The following AQR variants were observed in gnomAD, a reference collection of about 807,000 sequenced individuals.
AQR encodes RNA helicase aquarius.
Under a neutral mutation model 180.5 loss-of-function variants are expected in AQR, and 61 were observed. The observed-to-expected ratio is 0.34, with a 90% CI of 0.28 to 0.42. AQR has a LOEUF of 0.42. AQR is among the 10% of genes least tolerant of loss of function. AQR has a pLI of 1.00. For missense variants in AQR, 1,281 were observed against 1,798.3 expected (o/e 0.71, Z 5.20); for synonymous variants, 551 against 588.8 (o/e 0.94, Z 0.93).
chr15:34,896,030 T>C (rs951855565), intron 22 of AQR, among the ~76,000 whole-genome samples: 2 of 152,246 alleles, frequency 1.3e-5, no homozygotes, highest in African/African-American at 2.4e-5. Flanking sequence ...CTGACCAAAA[T>C]AGACTTTGAC....
chr15:34,919,626 G>A (rs891764510), intron 14 of AQR, among the ~76,000 whole-genome samples: 6 of 152,054 alleles, frequency 3.9e-5, no homozygotes, highest in African/African-American at 9.7e-5. Flanking sequence ...GGTTGGGCAC[G>A]GTGATTCATG....
At chr15:34,946,145 C>G (rs975961484) in intron 5 of AQR, among the ~76,000 whole-genome samples, 2 of 152,106 alleles carry the variant, frequency 1.3e-5, no homozygotes, top group South Asian at 4.2e-4. Context: ...GTGGCGGGCA[C>G]CTGTAATCCC....
chr15:34,951,298 G>T (rs1317814897), intron 4 of AQR, among the ~76,000 whole-genome samples: 1 of 152,130 alleles, frequency 6.6e-6, no homozygotes, highest in Non-Finnish European at 1.5e-5. Flanking sequence ...TTTGGAAGTT[G>T]GCCCAGGGAA....
In AQR at chr15:34,940,974, T is replaced by C. The variant is rs372425215; in HGVS notation, c.566A>G (p.Lys189Arg). Residue 189 changes from lysine (K) to arginine (R), a missense_variant, in exon 8 of 35, where the codon AAG becomes AGG. By Grantham distance (26) the Lys-to-Arg change is conservative. Coordinates refer to ENST00000156471, the MANE Select transcript of AQR (RefSeq NM_014691.3). ...CCAGAATTTTCTTAGCTTAGGTGTC[T>C]TTTTTAATTCTAATTCCAATCGTGC... ...QLARLELELK[K>R]TPKLRKFWNL... The C allele has an allele frequency of 2.5e-6, 4 of 1,607,630 alleles. No individual in the cohort carries two copies. The African/African-American group carries it at 4.0e-5, about 16-fold the overall frequency.
chr15:34,860,027 T>C lies in AQR; in HGVS notation c.4143+15A>G. ...CTACAGCAAGAAAAATAAAAGTCGA[T>C]TTTGAGAAACTCACCTGATGATAAT... On this transcript the variant is annotated intron_variant, in intron 34 of 34. Transcript: ENST00000156471. 1 of 1,289,576 alleles carries C rather than the reference T, an allele frequency of 7.8e-7. No individual in the cohort carries two copies. Among genetic ancestry groups the C allele is most frequent in the South Asian group, 2.2e-5 (1 of 46,260 alleles). 79.9% of individuals were successfully genotyped at this position (1,289,576 alleles called of 1,614,324 possible). A position where few individuals can be genotyped will look rare whatever the true frequency, so the allele number is the denominator to read the frequency against.
Position 34,893,607 on chromosome 15 carries a change from GCACACACACACACACA to G in AQR, c.2571+40_2571+55del, listed in dbSNP as rs386382691. On this transcript the variant is annotated intron_variant, in intron 23 of 34. Coordinates refer to ENST00000156471, the MANE Select transcript of AQR (RefSeq NM_014691.3). ...CATACCCATGTGCATGCGCATGCGT[GCACACACACACACACA>G]CACACACACACACACACACACACAC... The G allele has an allele frequency of 7.4e-4, 739 of 999,656 alleles. 2 individuals are homozygous for G. Among genetic ancestry groups the G allele is most frequent in the South Asian group, 7.4e-3 (479 of 65,072 alleles). 61.9% of individuals were successfully genotyped at this position (999,656 alleles called of 1,614,324 possible).
intron 16 of AQR, among the ~76,000 whole-genome samples, chr15:34,910,859 T>A (rs540043745): frequency 6.6e-6 from 1 of 152,316 alleles, no homozygotes; most frequent in East Asian, 1.9e-4. Context: ...ACATTAATTA[T>A]AGTCACTATA....
At chr15:34,943,471 A>G in intron 6 of AQR, 1 of 506,820 alleles carries the variant, frequency 2.0e-6, no homozygotes, top group Non-Finnish European at 3.1e-6. Context: ...AAATAAATAA[A>G]TAAATAAATA....
intron 30 of AQR, among the ~76,000 whole-genome samples, chr15:34,873,457 G>T (rs1832694797): frequency 6.6e-6 from 1 of 151,824 alleles, no homozygotes; most frequent in Non-Finnish European, 1.5e-5. Flanking sequence ...AACAATTTAT[G>T]AGTTCTATAA....
intron 19 of AQR, among the ~76,000 whole-genome samples, chr15:34,904,012 T>C (rs1191040367): frequency 6.6e-6 from 1 of 152,058 alleles, no homozygotes; most frequent in Non-Finnish European, 1.5e-5. Flanking sequence ...CAAGTTTTCT[T>C]CACTTCATAA....
At chr15:34,899,215 C>A (rs1012431246) in intron 20 of AQR, among the ~76,000 whole-genome samples, 1 of 151,874 alleles carries the variant, frequency 6.6e-6, no homozygotes, top group African/African-American at 2.4e-5. Flanking sequence ...AAGGCAGAAT[C>A]TCTGAGATAT....
chr15:34,953,984 G>T (rs184292024), intron 3 of AQR, among the ~76,000 whole-genome samples: 1 of 152,152 alleles, frequency 6.6e-6, no homozygotes, highest in South Asian at 2.1e-4. Flanking sequence ...GCACGATCTC[G>T]GTACACTGCA....
In AQR at chr15:34,906,668, T is replaced by G; in HGVS notation, c.1708A>C (p.Thr570Pro). 6.2e-7 allele frequency: 1 copy of G among 1,614,078 alleles called. No individual in the cohort carries two copies. Among genetic ancestry groups the G allele is most frequent in the Non-Finnish European group, 8.5e-7 (1 of 1,179,990 alleles). The change falls in exon 18 of 35, where the codon ACA (threonine) becomes CCA (proline). Residue 570 changes from threonine (T) to proline (P), a missense_variant. This residue lies in a region of AQR where 200 missense variants were observed against 293.4 expected (regional missense o/e 0.68). Transcript: ENST00000156471. ...TCAAACTTAGTGCCATAAGGTTTTG[T>G]GGGACGTACGGTAATTAAAAAGCAT... ...DVCFLITVRP[T>P]KPYGTKFDRR...
chr15:34,860,312 A>G (rs1487379154), intron 33 of AQR, among the ~76,000 whole-genome samples, 157 bp from the exon 34 acceptor site: 1 of 152,148 alleles, frequency 6.6e-6, no homozygotes, highest in African/African-American at 2.4e-5. Flanking sequence ...GAAGAGTCCA[A>G]TGAAGACTTC....
At chr15:34,943,053 T>C (rs1274877239) in intron 6 of AQR, 1 of 1,606,284 alleles carries the variant, frequency 6.2e-7, no homozygotes, top group South Asian at 1.1e-5. Context: ...TAAAGAGGCT[T>C]TCTGTGCCGA....
chr15:34,945,089 C>A (rs550434579), intron 5 of AQR, among the ~76,000 whole-genome samples: 1 of 152,144 alleles, frequency 6.6e-6, no homozygotes, highest in South Asian at 2.1e-4. Flanking sequence ...TTATCTAAAC[C>A]GCAATATTCG....
At chr15:34,879,714 T>C (rs775477919) in intron 27 of AQR, among the ~76,000 whole-genome samples, 1 of 152,130 alleles carries the variant, frequency 6.6e-6, no homozygotes, top group African/African-American at 2.4e-5. Context: ...AAGAGGCAAT[T>C]AGACTTCCCC....
chr15:34,874,697 A>G lies in AQR; in HGVS notation c.3405T>C (p.Ala1135=). Residue 1135 remains alanine, a synonymous_variant, in exon 29 of 35, where the codon GCT becomes GCC. Transcript: ENST00000156471. ...RVGVPTVDLD[A]QGRARASLCN... ...TTTACCTTGCTCTGGCTCTCCCTTG[A>G]GCATCAAGGTCAACAGTCGGAACTC... is the stretch of plus-strand genomic sequence containing the variant. 6.2e-7 allele frequency: 1 copy of G among 1,613,674 alleles called. No individual in the cohort carries two copies. The highest frequency in any genetic ancestry group is 8.5e-7 in the Non-Finnish European group (1 of 1,179,720).
rs992220683 is a variant in AQR at position 34,851,852 on chromosome 15, T to C, written c.*4940A>G. ...AAACTTAGTGTGAAATTCTGGAGTC[T>C]AAAATTAAAATGTAAACAGAGAATG... is the stretch of plus-strand genomic sequence containing the variant. On this transcript the variant is annotated 3_prime_UTR_variant, in exon 35 of 35. Transcript: ENST00000156471. 1 of 152,230 alleles carries C rather than the reference T, an allele frequency of 6.6e-6. No individual in the cohort carries two copies. Among genetic ancestry groups the C allele is most frequent in the Non-Finnish European group, 1.5e-5 (1 of 68,040 alleles). 9.4% of individuals were successfully genotyped at this position (152,230 alleles called of 1,614,324 possible). A position where few individuals can be genotyped will look rare whatever the true frequency, so the allele number is the denominator to read the frequency against.
Sources: allele counts gnomAD v4.1 joint callset (sites outside exome capture counted in the v4.1 genomes callset), GRCh38; gene constraint gnomAD v4.1.1; regional missense constraint gnomAD v4.1.1; transcripts MANE v1.5; gene names NCBI Gene and HGNC (gene_info 2026-07-23, HGNC 2026-07-21).